Variants in TMEM63A observed in about 807,000 individuals in gnomAD.
The protein encoded by TMEM63A is mechanosensitive cation channel TMEM63A.
Under a neutral mutation model 100.6 loss-of-function variants are expected in TMEM63A, and 76 were observed. That is an observed-to-expected ratio of 0.76 (90% CI 0.63 to 0.91). The LOEUF (loss-of-function observed/expected upper bound fraction) is 0.91. TMEM63A is among the 40% of genes least tolerant of loss of function. The pLI, the probability that TMEM63A is intolerant of heterozygous loss-of-function variation, is 0.00. For missense variants in TMEM63A, 876 were observed against 1,008.8 expected (o/e 0.87, Z 1.78); for synonymous variants, 401 against 401.1 (o/e 1.00, Z 0.00).
At position 225,862,785 on chromosome 1, in the gene TMEM63A, G is replaced by A; in HGVS notation, c.813C>T (p.Tyr271=). ...CCACCACTCACTTCTCCTTGCACAG[G>A]TAGATCAGTTTGGCCACGTTGTAGC... ...QLCYNVAKLI[Y]LCKEKKKTEK... The change falls in exon 11 of 25, where the codon TAC becomes TAT. Residue 271 remains tyrosine, a synonymous_variant. Transcript: ENST00000366835. This position sits in a 1 kb window ranked among gnomAD's most constrained non-coding sequence, Gnocchi z 5.1. The A allele has an allele frequency of 6.2e-7, 1 of 1,614,024 alleles. No individual in the cohort carries two copies.
chr1:225,853,942 C>T lies in TMEM63A; in HGVS notation c.1635-151G>A. On this transcript the variant is annotated intron_variant, in intron 18 of 24. Coordinates refer to ENST00000366835, the MANE Select transcript of TMEM63A (RefSeq NM_014698.3). This position sits in a 1 kb window ranked among gnomAD's most constrained non-coding sequence, Gnocchi z 4.0. ...ATATTTGGGAAACACATCTGTGTGC[C>T]AAGCACCTTTCTAGGCACTGAGAAT... 1.3e-6 allele frequency: 1 copy of T among 762,978 alleles called. No homozygotes were observed. 47.3% of individuals were successfully genotyped at this position (762,978 alleles called of 1,614,324 possible).
Position 225,871,032 on chromosome 1 carries a change from A to T in TMEM63A, c.371+44T>A, listed in dbSNP as rs140085934. ...CTTGACTGGCCAAACACCCAAAAAA[A>T]CCAGCCCAAAGGCCCCCCAGCAGCT... On this transcript the variant is annotated intron_variant, in intron 6 of 24. Transcript: ENST00000366835. 9.0e-4 allele frequency: 1,449 copies of T among 1,609,708 alleles called. 12 individuals are homozygous for T. In the African/African-American group the frequency reaches 0.017, roughly 19 times the overall value.
intron 15 of TMEM63A, among the ~76,000 whole-genome samples, chr1:225,858,013 T>A (rs768080093): frequency 6.6e-6 from 1 of 152,322 alleles, no homozygotes; most frequent in East Asian, 1.9e-4. Flanking sequence ...ACGCCCTGTA[T>A]AATAGTGCAG....
chr1:225,874,263 C>T (rs1276612727), intron 4 of TMEM63A, 25 bp downstream of exon 4: 2 of 1,609,788 alleles, frequency 1.2e-6, no homozygotes, highest in Non-Finnish European at 1.7e-6. Context: ...CACGCATGCT[C>T]ACAGCCTAGG....
chr1:225,880,585 G>C (rs1313674290), intron 1 of TMEM63A, among the ~76,000 whole-genome samples: 1 of 152,098 alleles, frequency 6.6e-6, no homozygotes. Context: ...GCACTTACCT[G>C]TGCCTTCCAG....
intron 6 of TMEM63A, 32 bp downstream of exon 6, chr1:225,871,044 G>C: frequency 6.2e-7 from 1 of 1,612,294 alleles, no homozygotes; most frequent in South Asian, 1.1e-5. Flanking sequence ...CAGCCCAAAG[G>C]CCCCCCAGCA....
chr1:225,850,675 C>T (rs1669280670), intron 20 of TMEM63A, among the ~76,000 whole-genome samples: 1 of 152,162 alleles, frequency 6.6e-6, no homozygotes, highest in Admixed American at 6.5e-5. Flanking sequence ...CTGCAGAGCC[C>T]CTTAGCCGCA....
intron 18 of TMEM63A, among the ~76,000 whole-genome samples, chr1:225,854,894 C>T (rs1413400229): frequency 1.3e-4 from 20 of 152,158 alleles, no homozygotes. Flanking sequence ...CAAGAGGATG[C>T]TGCGAGATGA....
chr1:225,859,487 A>C, intron 14 of TMEM63A, 138 bp from the exon 15 acceptor site: 2 of 1,037,828 alleles, frequency 1.9e-6, no homozygotes, highest in South Asian at 3.4e-5. Flanking sequence ...CAACTACAGA[A>C]AGACCAAATC....
chr1:225,880,410 G>A (rs530598144), intron 1 of TMEM63A, among the ~76,000 whole-genome samples: 1 of 152,280 alleles, frequency 6.6e-6, no homozygotes, highest in East Asian at 1.9e-4. Flanking sequence ...CAGACACCAT[G>A]GGACAGTGCT....
chr1:225,842,587 T>C, downstream of TMEM63A: 12 of 835,720 alleles, frequency 1.4e-5, no homozygotes, highest in Non-Finnish European at 2.5e-5. Flanking sequence ...CAAATTCTAT[T>C]GTTGGCTTTC....
Position 225,867,950 on chromosome 1 carries a change from A to T in TMEM63A, c.452T>A (p.Val151Glu). ...ACACAGGGACAAAAAGCTGACCACC[A>T]CCAACAGGAAGATGATGTGCCTCTG... Reference protein sequence around the residue: ...SFQRHIIFLLVVVSFLSLCVI... With the variant: ...SFQRHIIFLLEVVSFLSLCVI... The change falls in exon 7 of 25, where the codon GTG (valine) becomes GAG (glutamate). Residue 151 changes from valine (V) to glutamate (E), a missense_variant. Val to Glu is a moderately radical substitution (Grantham distance 121, BLOSUM62 -2). Coordinates refer to ENST00000366835, the MANE Select transcript of TMEM63A (RefSeq NM_014698.3). This position sits in a 1 kb window ranked among gnomAD's most constrained non-coding sequence, Gnocchi z 4.6. 1 of 1,614,122 alleles carries T rather than the reference A, an allele frequency of 6.2e-7. No individual in the cohort carries two copies.
At chr1:225,845,525 AGCAACATG>A, downstream of TMEM63A, 2 of 643,686 alleles carry the variant, frequency 3.1e-6, no homozygotes, top group East Asian at 5.4e-5. Context: ...CCGTGTGGTA[AGCAACATG>A]GCTTTGATGA....
rs1471889667 is a variant in TMEM63A, at chr1:225,867,612, G to A, written c.514+276C>T. On this transcript the variant is annotated intron_variant, in intron 7 of 24. Coordinates refer to ENST00000366835, the MANE Select transcript of TMEM63A (RefSeq NM_014698.3). This position sits in a 1 kb window ranked among gnomAD's most constrained non-coding sequence, Gnocchi z 4.6. ...TCCTAATTTGGGTGAGGGCAGGAAAGTATAAAAGACTCTCTGATAGCCCCT... is the reference window on the plus strand; with the variant it reads ...TCCTAATTTGGGTGAGGGCAGGAAAATATAAAAGACTCTCTGATAGCCCCT... Among the ~76,000 whole-genome samples, 1 of 152,192 alleles carries A rather than the reference G, an allele frequency of 6.6e-6. No homozygotes were observed. Among genetic ancestry groups the A allele is most frequent in the African/African-American group, 2.4e-5 (1 of 41,446 alleles).
At position 225,865,642 on chromosome 1, in the gene TMEM63A, C is replaced by G. The variant is rs1182932820; in HGVS notation, c.746+255G>C. The G allele has an allele frequency of 2.1e-6, 1 of 475,030 alleles. No homozygotes were observed. The highest frequency in any genetic ancestry group is 3.4e-5 in the East Asian group (1 of 29,204). 29.4% of individuals were successfully genotyped at this position (475,030 alleles called of 1,614,324 possible). A position where few individuals can be genotyped will look rare whatever the true frequency, so the allele number is the denominator to read the frequency against. ...CGTTTATTCGCACCTACACCCTGGT[C>G]TGTGCTCTGGACACTGTGCACAGGC... On this transcript the variant is annotated intron_variant, in intron 10 of 24. Coordinates refer to ENST00000366835, the MANE Select transcript of TMEM63A (RefSeq NM_014698.3). The surrounding 1 kb of genome is among the most constrained non-coding windows in gnomAD (Gnocchi z 4.6).
At chr1:225,854,703 G>C (rs1314028698) in intron 18 of TMEM63A, among the ~76,000 whole-genome samples, 1 of 152,202 alleles carries the variant, frequency 6.6e-6, no homozygotes, top group Non-Finnish European at 1.5e-5. Context: ...GTGCAGGCTA[G>C]AGGCATAAAT....
In TMEM63A at chr1:225,858,482, G is replaced by A. The variant is rs1459774070; in HGVS notation, c.1377+714C>T. On this transcript the variant is annotated intron_variant, in intron 15 of 24. Transcript: ENST00000366835. Reference sequence around the variant, plus strand: ...TGGGATTATAAGCGCCCACCAACACGCCCAGCTAATTTTTGTATTTTCAGT... The same window carrying A: ...TGGGATTATAAGCGCCCACCAACACACCCAGCTAATTTTTGTATTTTCAGT... Among the ~76,000 whole-genome samples, 5 of 151,840 alleles carry A rather than the reference G, an allele frequency of 3.3e-5. 1 individual carries two copies. The highest frequency in any genetic ancestry group is 4.2e-4 in the South Asian group (2 of 4,800).
chr1:225,869,354 T>G (rs967418206), intron 6 of TMEM63A, among the ~76,000 whole-genome samples: 1 of 152,226 alleles, frequency 6.6e-6, no homozygotes, highest in African/African-American at 2.4e-5. Flanking sequence ...TTAACTACAT[T>G]GTTCTCATTT....
rs1393594091 is a variant in TMEM63A, at chr1:225,850,054, G to C, written c.1929C>G (p.His643Gln). The change falls in exon 21 of 25, where the codon CAC (histidine) becomes CAG (glutamine). Residue 643 changes from histidine (H) to glutamine (Q), a missense_variant. Physicochemically the swap from His to Gln is conservative, Grantham distance 24 (BLOSUM62 0). Around this residue, in one of 5 missense-constraint regions of TMEM63A, gnomAD observed 339 missense variants for 342.3 expected, o/e 0.99. Coordinates refer to ENST00000366835, the MANE Select transcript of TMEM63A (RefSeq NM_014698.3). Reference protein sequence around the residue: ...PFGLIYILLKHMVDRHNLYFV... With the variant: ...PFGLIYILLKQMVDRHNLYFV... ...AGTAGAGGTTGTGCCGGTCCACCAT[G>C]TGCTTGAGCAGGATGTAGATGAGGC... 2 of 1,614,222 alleles carry C rather than the reference G, an allele frequency of 1.2e-6. No individual in the cohort carries two copies. The highest frequency in any genetic ancestry group is 1.1e-5 in the South Asian group (1 of 91,084).
Sources: gnomAD v4.1 joint callset for allele counts (sites outside exome capture counted in the v4.1 genomes callset) on GRCh38, gnomAD v4.1.1 for gene constraint, gnomAD v4.1.1 regional missense constraint, Gnocchi (gnomAD v3.1) non-coding constraint, MANE v1.5 for transcripts, NCBI Gene and HGNC (gene_info 2026-07-23, HGNC 2026-07-21) for gene names.